ADAM2: variants seen among roughly 807,000 people sequenced by gnomAD.
The protein encoded by ADAM2 is disintegrin and metalloproteinase domain-containing protein 2.
In ADAM2, 101 loss-of-function variants were observed where a neutral mutation model predicts 99.3. The observed-to-expected ratio is 1.02, with a 90% confidence interval of 0.87 to 1.20. The LOEUF (loss-of-function observed/expected upper bound fraction) is 1.20, where lower values mean the gene tolerates loss of function less well. ADAM2 is among the 50% of genes most tolerant of loss of function. The pLI is 0.00. For synonymous variants in ADAM2, 323 were observed against 287.6 expected, an observed-to-expected ratio of 1.12 and a Z score of -1.25; for missense variants, 948 against 878.7, an observed-to-expected ratio of 1.08 and a Z score of -1.00.
intron 6 of ADAM2, among the ~76,000 whole-genome samples, chr8:39,816,224 G>T (rs1007361802): frequency 1.1e-4 from 16 of 152,184 alleles, no homozygotes; most frequent in African/African-American, 3.6e-4. Context: ...TTGAACCCGG[G>T]AGGTGGAGGT....
intron 7 of ADAM2, among the ~76,000 whole-genome samples, chr8:39,800,450 C>A (rs187183453): frequency 2.9e-3 from 448 of 152,172 alleles, no homozygotes; most frequent in Non-Finnish European, 4.8e-3. Flanking sequence ...CTCTGGCTGC[C>A]CTTAACAGTT....
chr8:39,808,667 C>T (rs1336971425), intron 7 of ADAM2, among the ~76,000 whole-genome samples: 1 of 152,132 alleles, frequency 6.6e-6, no homozygotes, highest in African/African-American at 2.4e-5. Flanking sequence ...CATGTGGTCC[C>T]AGCACTTTGG....
At chr8:39,791,302 T>G (rs746489889) in intron 7 of ADAM2, among the ~76,000 whole-genome samples, 1 of 152,052 alleles carries the variant, frequency 6.6e-6, no homozygotes, top group South Asian at 2.1e-4. Context: ...ATATAAAGAA[T>G]GTAGCCTGAT....
At chr8:39,744,933 A>G (rs1360060779) in intron 19 of ADAM2, 40 bp from the exon 20 acceptor site, 5 of 1,497,798 alleles carry the variant, frequency 3.3e-6, no homozygotes, top group African/African-American at 1.4e-5. Context: ...ACTTTCTTCA[A>G]GATGATTTTA....
intron 7 of ADAM2, among the ~76,000 whole-genome samples, chr8:39,789,966 T>C (rs1329930961): frequency 6.6e-6 from 1 of 151,766 alleles, no homozygotes; most frequent in African/African-American, 2.4e-5. Context: ...ATTAGGGAAA[T>C]GTAAATCAAA....
At chr8:39,777,934 CG>C (rs1189206925) in intron 10 of ADAM2, among the ~76,000 whole-genome samples, 7 of 149,870 alleles carry the variant, frequency 4.7e-5, no homozygotes, top group Admixed American at 2.0e-4. Context: ...ATTAATATTA[CG>C]GTAATAATGA....
chr8:39,812,386 A>T (rs962037801), intron 6 of ADAM2, among the ~76,000 whole-genome samples: 4 of 152,230 alleles, frequency 2.6e-5, no homozygotes, highest in African/African-American at 9.6e-5. Flanking sequence ...ATCCCCATCA[A>T]GCTACTAATG....
intron 10 of ADAM2, among the ~76,000 whole-genome samples, chr8:39,785,197 A>G (rs538658999): frequency 2.1e-4 from 32 of 152,352 alleles, no homozygotes; most frequent in Admixed American, 7.2e-4. Flanking sequence ...TTACATTTAA[A>G]TATTTAATCC....
intron 16 of ADAM2, among the ~76,000 whole-genome samples, chr8:39,752,496 T>G (rs1801986208): frequency 6.6e-6 from 1 of 152,188 alleles, no homozygotes; most frequent in Non-Finnish European, 1.5e-5. Flanking sequence ...AGCACAGATT[T>G]TATTGGCAAT....
intron 4 of ADAM2, among the ~76,000 whole-genome samples, chr8:39,824,287 A>T (rs1805312058): frequency 1.3e-5 from 2 of 151,714 alleles, no homozygotes; most frequent in Non-Finnish European, 2.9e-5. Context: ...AAAAAAAAAA[A>T]AAAAAAAGAA....
At chr8:39,817,766 A>G (rs1586149496) in intron 6 of ADAM2, 1 of 152,134 alleles carries the variant, frequency 6.6e-6, no homozygotes, top group East Asian at 1.9e-4. Context: ...TAAAATCAGA[A>G]ATGAAAAAGA....
intron 9 of ADAM2, 105 bp from the exon 10 acceptor site, chr8:39,787,160 A>G: frequency 1.6e-6 from 1 of 607,608 alleles, no homozygotes; most frequent in South Asian, 2.9e-5. Context: ...TTTACATCTA[A>G]CATTAATGTA....
chr8:39,788,312 T>G, intron 8 of ADAM2, 61 bp from the exon 9 acceptor site: 2 of 1,106,048 alleles, frequency 1.8e-6, no homozygotes, highest in Non-Finnish European at 1.2e-6. Context: ...ATTAGATATA[T>G]ATGTTTGAAA....
In ADAM2 at chr8:39,821,636, A is replaced by G. The variant is rs78952198; in HGVS notation, c.294T>C (p.Ile98=). The G allele has an allele frequency of 4.7e-4, 750 of 1,608,196 alleles. 8 individuals carry two copies. The African/African-American group carries it at 8.3e-3, about 18-fold the overall frequency. ...FQNFCHYQGY[I]EGYPKSVVMV... ...TCACCACAGATTTTGGATAACCTTC[A>G]ATATACCCTTGGTAGTGGCAGAAAT... is the stretch of plus-strand genomic sequence containing the variant. Residue 98 remains isoleucine, a synonymous_variant, in exon 5 of 21, where the codon ATT becomes ATC. Transcript: ENST00000265708.
Position 39,744,865 on chromosome 8 carries a change from CT to C in ADAM2, c.2202del (p.Ter736SerfsTer15). ...DEQPESESEP[K>X]G ...TGGCATCTCTGTTGTCCAGACTACC[CT>C]TTAGGTTCACTCTCACTTTCAGGTT... On this transcript the variant is annotated frameshift_variant, in exon 20 of 21. Transcript: ENST00000265708. LOFTEE classifies it high-confidence loss of function. 1 of 1,602,944 alleles carries C rather than the reference CT, an allele frequency of 6.2e-7. No individual in the cohort carries two copies. Among genetic ancestry groups the C allele is most frequent in the Non-Finnish European group, 8.5e-7 (1 of 1,175,036 alleles).
intron 2 of ADAM2, among the ~76,000 whole-genome samples, chr8:39,835,412 C>CG (rs112788879): frequency 0.23 from 34,951 of 152,034 alleles, 4,238 homozygotes; most frequent in African/African-American, 0.3. Context: ...AGGCCATGTG[C>CG]GGTGGCTCAC....
chr8:39,812,422 C>A (rs1362438326), intron 6 of ADAM2, among the ~76,000 whole-genome samples: 1 of 152,190 alleles, frequency 6.6e-6, no homozygotes, highest in East Asian at 1.9e-4. Context: ...TTGGAAAAAA[C>A]TACTTTAAAG....
chr8:39,813,757 C>G (rs1290895244), intron 6 of ADAM2, among the ~76,000 whole-genome samples: 1 of 151,840 alleles, frequency 6.6e-6, no homozygotes, highest in African/African-American at 2.4e-5. Context: ...ACTTCACACA[C>G]CAGGGCCTGT....
intron 6 of ADAM2, among the ~76,000 whole-genome samples, chr8:39,817,751 A>G (rs934940359): frequency 6.6e-6 from 1 of 152,032 alleles, no homozygotes; most frequent in African/African-American, 2.4e-5. Context: ...AAATATTTAA[A>G]TTAATAAAAT....
Sources: allele counts gnomAD v4.1 joint callset (sites outside exome capture counted in the v4.1 genomes callset), GRCh38; gene constraint gnomAD v4.1.1; transcripts MANE v1.5; gene names NCBI Gene and HGNC (gene_info 2026-07-23, HGNC 2026-07-21).